Variants in EYS observed in about 807,000 individuals in gnomAD.
The protein encoded by EYS is EGF-like photoreceptor maintenance factor, also known as protein eyes shut homolog.
A neutral mutation model predicts 282.1 loss-of-function variants in EYS; 250 were observed. The ratio of observed to expected loss-of-function variants is 0.89; its 90% CI spans 0.80 to 0.98. The LOEUF is 0.98. EYS is among the 50% of genes least tolerant of loss of function. EYS has a pLI of 0.00. For missense variants in EYS, 4,016 were observed against 3,709.0 expected (o/e 1.08, Z -2.15); for synonymous variants, 1,355 against 1,282.9 (o/e 1.06, Z -1.20).
chr6:64,473,909 T>C (rs1427363090), intron 26 of EYS, among the ~76,000 whole-genome samples: 1 of 152,176 alleles, frequency 6.6e-6, no homozygotes, highest in East Asian at 1.9e-4. Context: ...AATAAATAAC[T>C]TCACCTTTTG....
intron 31 of EYS, among the ~76,000 whole-genome samples, chr6:64,089,733 T>G (rs1778924271): frequency 6.6e-6 from 1 of 152,070 alleles, no homozygotes; most frequent in Admixed American, 6.6e-5. Context: ...ACTACTCTCT[T>G]GTTGCTGTTA....
intron 22 of EYS, among the ~76,000 whole-genome samples, chr6:64,758,966 G>A (rs1353179920): frequency 1.3e-5 from 2 of 152,030 alleles, no homozygotes; most frequent in Non-Finnish European, 2.9e-5. Context: ...GTGAAACCCG[G>A]TCTCTACTAA....
chr6:64,213,906 T>C (rs1443586540), intron 31 of EYS, among the ~76,000 whole-genome samples: 1 of 152,174 alleles, frequency 6.6e-6, no homozygotes, highest in East Asian at 1.9e-4. Context: ...AACAATGGTA[T>C]GGTTGATTTC....
chr6:63,966,440 A>G (rs1011911465), intron 35 of EYS, among the ~76,000 whole-genome samples: 1 of 152,190 alleles, frequency 6.6e-6, no homozygotes, highest in African/African-American at 2.4e-5. Flanking sequence ...GTGCACCAAA[A>G]TCTCACAAAT....
chr6:65,664,165 C>T (rs980376582), intron 1 of EYS, among the ~76,000 whole-genome samples: 12 of 152,154 alleles, frequency 7.9e-5, no homozygotes, highest in African/African-American at 2.4e-4. Flanking sequence ...CCACCGCGCC[C>T]GGCCCATAAA....
At chr6:64,940,200 T>C (rs1324369684) in intron 15 of EYS, among the ~76,000 whole-genome samples, 1 of 152,046 alleles carries the variant, frequency 6.6e-6, no homozygotes, top group Non-Finnish European at 1.5e-5. Flanking sequence ...CATCCTTTTA[T>C]TTAGATATCC....
At chr6:65,608,006 T>A (rs1026259166) in intron 2 of EYS, among the ~76,000 whole-genome samples, 3 of 152,028 alleles carry the variant, frequency 2.0e-5, no homozygotes, top group Non-Finnish European at 2.9e-5. Flanking sequence ...TATATTCCAC[T>A]CTTAAAAATT....
intron 31 of EYS, among the ~76,000 whole-genome samples, chr6:64,142,318 A>G (rs1774363552): frequency 6.6e-6 from 1 of 151,986 alleles, no homozygotes; most frequent in Non-Finnish European, 1.5e-5. Context: ...ATATGTCAGG[A>G]AAGTCTTTCA....
chr6:64,095,790 T>C (rs1444594931), intron 31 of EYS, among the ~76,000 whole-genome samples: 2 of 152,220 alleles, frequency 1.3e-5, no homozygotes, highest in Admixed American at 6.5e-5. Flanking sequence ...AATTTGATCC[T>C]GTCATTATGA....
intron 5 of EYS, among the ~76,000 whole-genome samples, chr6:65,419,643 TTAA>T: frequency 6.6e-6 from 1 of 152,128 alleles, no homozygotes; most frequent in East Asian, 1.9e-4. Context: ...AATATTCATT[TTAA>T]TAATATGTAA....
intron 31 of EYS, among the ~76,000 whole-genome samples, chr6:64,193,496 GTTTA>G (rs1384998134): frequency 1.3e-5 from 2 of 151,224 alleles, no homozygotes; most frequent in East Asian, 1.9e-4. Flanking sequence ...TTTCCTGGTT[GTTTA>G]TTTATTTATT....
intron 1 of EYS, among the ~76,000 whole-genome samples, chr6:65,664,183 A>G (rs1335501559): frequency 6.6e-6 from 1 of 152,080 alleles, no homozygotes; most frequent in Non-Finnish European, 1.5e-5. Context: ...AAATTTTTAT[A>G]TATTTCAACC....
At chr6:64,389,819 G>T (rs916602993) in intron 28 of EYS, among the ~76,000 whole-genome samples, 7 of 152,152 alleles carry the variant, frequency 4.6e-5, no homozygotes, top group Non-Finnish European at 8.8e-5. Flanking sequence ...CAGCGTGAGC[G>T]ACGCAGAAGA....
At chr6:65,238,172 A>G (rs1487052099) in intron 12 of EYS, among the ~76,000 whole-genome samples, 2 of 151,444 alleles carry the variant, frequency 1.3e-5, no homozygotes, top group Non-Finnish European at 3.0e-5. Context: ...TTCATTTTCT[A>G]TTAATTCCTG....
At chr6:65,209,836 G>A (rs1176157456) in intron 12 of EYS, among the ~76,000 whole-genome samples, 2 of 151,898 alleles carry the variant, frequency 1.3e-5, no homozygotes, top group Non-Finnish European at 2.9e-5. Context: ...GCCATGTGGA[G>A]ATATGGGAGA....
At chr6:65,522,121 A>T (rs756870669) in intron 2 of EYS, among the ~76,000 whole-genome samples, 36 of 152,302 alleles carry the variant, frequency 2.4e-4, no homozygotes, top group Non-Finnish European at 4.3e-4. Context: ...GTATTTCTAA[A>T]AAAATACTCT....
chr6:65,068,129 T>G (rs937296246), intron 12 of EYS, among the ~76,000 whole-genome samples: 1 of 152,146 alleles, frequency 6.6e-6, no homozygotes, highest in Non-Finnish European at 1.5e-5. Flanking sequence ...ACTAAAGATT[T>G]TATTGCCTGA....
chr6:63,980,519 T>G (rs1279277754), intron 35 of EYS, among the ~76,000 whole-genome samples: 1 of 151,892 alleles, frequency 6.6e-6, no homozygotes. Flanking sequence ...ATAATCACTC[T>G]TTTATTCTGA....
intron 5 of EYS, among the ~76,000 whole-genome samples, chr6:65,478,654 T>G (rs1242021940): frequency 6.6e-6 from 1 of 152,148 alleles, no homozygotes; most frequent in Non-Finnish European, 1.5e-5. Context: ...TACAAGAAAT[T>G]GATCTTTATG....
Sources: allele counts gnomAD v4.1 joint callset (sites outside exome capture counted in the v4.1 genomes callset), GRCh38; gene constraint gnomAD v4.1.1; transcripts MANE v1.5; gene names NCBI Gene and HGNC (gene_info 2026-07-23, HGNC 2026-07-21).